CCDC146: variants seen among roughly 807,000 people sequenced by gnomAD.
CCDC146 encodes the protein coiled-coil domain containing 146, also known as coiled-coil domain-containing protein 146.
A neutral mutation model predicts 119.3 loss-of-function variants in CCDC146; 92 were observed. That is an observed-to-expected ratio of 0.77 (90% confidence interval 0.65 to 0.92). CCDC146 has a LOEUF of 0.92. CCDC146 is among the 40% of genes least tolerant of loss of function. The probability of loss-of-function intolerance (pLI) is 0.00; values close to 1 mark genes in which losing one functional copy is unlikely to be tolerated. For missense variants in CCDC146, 1,000 were observed against 1,103.0 expected (o/e 0.91, Z 1.32); for synonymous variants, 372 against 371.8 (o/e 1.00, Z -0.01).
intron 3 of CCDC146, among the ~76,000 whole-genome samples, chr7:77,240,719 G>C (rs139677592): frequency 1.3e-5 from 2 of 152,080 alleles, no homozygotes; most frequent in Admixed American, 6.5e-5. Flanking sequence ...CGAAGTTCCC[G>C]TCTATCCTTC....
intron 1 of CCDC146, among the ~76,000 whole-genome samples, chr7:77,130,602 T>C (rs1285587062): frequency 8.1e-4 from 121 of 148,728 alleles, no homozygotes; most frequent in African/African-American, 1.3e-3. Context: ...TCTTTCTTTT[T>C]TTTTTTTTTT....
chr7:77,255,946 T>C (rs911214697), intron 5 of CCDC146, among the ~76,000 whole-genome samples: 13 of 152,234 alleles, frequency 8.5e-5, no homozygotes, highest in Non-Finnish European at 1.8e-4. Flanking sequence ...CAAAGATTAT[T>C]GGCATCTGAT....
intron 2 of CCDC146, among the ~76,000 whole-genome samples, chr7:77,222,662 T>C (rs1792426860): frequency 6.6e-6 from 1 of 152,244 alleles, no homozygotes; most frequent in African/African-American, 2.4e-5. Context: ...GGCTTTTGTC[T>C]GTGATCAACA....
chr7:77,142,605 C>T (rs917120255), intron 1 of CCDC146, among the ~76,000 whole-genome samples: 23 of 151,920 alleles, frequency 1.5e-4, no homozygotes, highest in Non-Finnish European at 3.1e-4. Flanking sequence ...TGATGTTCCC[C>T]TTCCTGTGTC....
At position 77,260,181 on chromosome 7, in the gene CCDC146, T is replaced by A; in HGVS notation, c.931T>A (p.Leu311Met). The A allele has an allele frequency of 6.2e-7, 1 of 1,614,022 alleles. No individual in the cohort carries two copies. The highest frequency in any genetic ancestry group is 8.5e-7 in the Non-Finnish European group (1 of 1,179,996). ...AATCAAAGAACGAGAACATAACCAA[T>A]TGGTCAAGCTATTGGAATTAGCCAG... Reference protein sequence around the residue: ...LEIKEREHNQLVKLLELAREN... With the variant: ...LEIKEREHNQMVKLLELAREN... Residue 311 changes from leucine (L) to methionine (M), a missense_variant, in exon 8 of 19, where the codon TTG (leucine) becomes ATG (methionine). By Grantham distance (15) the Leu-to-Met change is conservative (BLOSUM62 2). Around this residue, in one of 2 missense-constraint regions of CCDC146, gnomAD observed 985 missense variants for 1,045.3 expected, o/e 0.94. Transcript: ENST00000285871.
intron 2 of CCDC146, among the ~76,000 whole-genome samples, chr7:77,169,011 A>G (rs955268508): frequency 5.9e-5 from 9 of 152,118 alleles, no homozygotes; most frequent in African/African-American, 2.2e-4. Context: ...AGTTGTCCCA[A>G]TAATGTTCTT....
At chr7:77,134,818 GA>G (rs1790839262) in intron 1 of CCDC146, among the ~76,000 whole-genome samples, 2 of 152,180 alleles carry the variant, frequency 1.3e-5, no homozygotes, top group Admixed American at 1.3e-4. Context: ...CCAGCTAGCT[GA>G]GACCCTGAAC....
chr7:77,146,023 A>T (rs1251247765), intron 1 of CCDC146, among the ~76,000 whole-genome samples: 3 of 151,738 alleles, frequency 2.0e-5, no homozygotes, highest in African/African-American at 7.3e-5. Flanking sequence ...TGGGGTGTTA[A>T]AGTCTCCCAT....
chr7:77,236,375 G>C (rs936820130), intron 2 of CCDC146, among the ~76,000 whole-genome samples: 4 of 152,198 alleles, frequency 2.6e-5, no homozygotes, highest in Non-Finnish European at 4.4e-5. Context: ...CAGAGGCAAA[G>C]GCATCACGGT....
chr7:77,196,933 TC>T lies in CCDC146; in HGVS notation c.156+29110del. The T allele has an allele frequency of 6.2e-7, 1 of 1,613,670 alleles. No homozygotes were observed. The highest frequency in any genetic ancestry group is 8.5e-7 in the Non-Finnish European group (1 of 1,179,870). On this transcript the variant is annotated intron_variant, in intron 2 of 18. Transcript: ENST00000285871. This position sits in a 1 kb window ranked among gnomAD's most constrained non-coding sequence, Gnocchi z 4.2. ...GTGTAACTCTGTAGGTCTCACTGCT[TC>T]TTTTGCCTATTGCGTAGTAGTCAGA...
intron 1 of CCDC146, among the ~76,000 whole-genome samples, chr7:77,154,079 T>G (rs941154628): frequency 4.6e-5 from 7 of 151,792 alleles, no homozygotes; most frequent in African/African-American, 1.7e-4. Flanking sequence ...ATTCCATTTA[T>G]ATGACATCCT....
intron 2 of CCDC146, among the ~76,000 whole-genome samples, chr7:77,181,754 G>A (rs1178207500): frequency 6.6e-6 from 1 of 152,082 alleles, no homozygotes; most frequent in African/African-American, 2.4e-5. Flanking sequence ...GTTTGAGTTT[G>A]CTTATGATAG....
intron 1 of CCDC146, among the ~76,000 whole-genome samples, chr7:77,133,470 C>T (rs531910511): frequency 6.6e-6 from 1 of 151,976 alleles, no homozygotes; most frequent in Non-Finnish European, 1.5e-5. Flanking sequence ...CCTGCCTCAT[C>T]CCCACTTAGT....
At chr7:77,249,241 C>G (rs1475964949) in intron 4 of CCDC146, among the ~76,000 whole-genome samples, 2 of 152,122 alleles carry the variant, frequency 1.3e-5, no homozygotes, top group African/African-American at 2.4e-5. Context: ...CCTGTAATCC[C>G]AGCACTTTGA....
chr7:77,234,839 G>T (rs1463477567), intron 2 of CCDC146, among the ~76,000 whole-genome samples: 6 of 152,086 alleles, frequency 3.9e-5, no homozygotes, highest in African/African-American at 1.4e-4. Context: ...TAAAGATCTT[G>T]TTCACCATAT....
rs1011791604 is a variant in CCDC146 at position 77,226,312 on chromosome 7, A to C, written c.157-10635A>C. On this transcript the variant is annotated intron_variant, in intron 2 of 18. Coordinates refer to ENST00000285871, the MANE Select transcript of CCDC146 (RefSeq NM_020879.3). ...CCAGCCATTCCCCAGAATGAAGCCA[A>C]CCCACTAGGTAATGTCAAAGAAGTC... Among the ~76,000 whole-genome samples the C allele has an allele frequency of 3.9e-5, 6 of 152,230 alleles. No homozygotes were observed. The East Asian group carries it at 9.6e-4, about 24-fold the overall frequency.
chr7:77,284,206 T>G (rs1483577341), intron 15 of CCDC146, among the ~76,000 whole-genome samples: 1 of 152,204 alleles, frequency 6.6e-6, no homozygotes, highest in South Asian at 2.1e-4. Flanking sequence ...GGCAATGGTA[T>G]GTGGGGTTAC....
intron 2 of CCDC146, among the ~76,000 whole-genome samples, chr7:77,184,791 G>A (rs1278424215): frequency 6.6e-6 from 1 of 152,156 alleles, no homozygotes; most frequent in African/African-American, 2.4e-5. Context: ...GTTAAATAGG[G>A]ACATTAACAC....
chr7:77,216,358 G>A (rs1056549008), intron 2 of CCDC146, among the ~76,000 whole-genome samples: 3 of 151,924 alleles, frequency 2.0e-5, no homozygotes, highest in Non-Finnish European at 2.9e-5. Context: ...TTCTAAATGC[G>A]CTTCACACTG....
Sources: allele counts gnomAD v4.1 joint callset (sites outside exome capture counted in the v4.1 genomes callset), GRCh38; gene constraint gnomAD v4.1.1; regional missense constraint gnomAD v4.1.1; non-coding constraint Gnocchi (gnomAD v3.1); transcripts MANE v1.5; gene names NCBI Gene and HGNC (gene_info 2026-07-23, HGNC 2026-07-21).